PHF6: variants seen among roughly 807,000 people sequenced by gnomAD.
The protein encoded by PHF6 is PHD finger protein 6.
In PHF6, 7 loss-of-function variants were observed where a neutral mutation model predicts 34.0. The observed-to-expected ratio is 0.21, with a 90% CI of 0.12 to 0.39. The LOEUF is 0.39. Ranked by LOEUF, PHF6 falls within the 10% of genes least tolerant of loss-of-function variation. The pLI, the probability that PHF6 is intolerant of heterozygous loss-of-function variation, is 1.00. For missense variants in PHF6, 128 were observed against 262.8 expected (o/e 0.49, Z 3.55); for synonymous variants, 89 against 88.4 (o/e 1.01, Z -0.04).
intron 3 of PHF6, among the ~76,000 whole-genome samples, chrX:134,385,282 C>G (rs2077327073): frequency 9.0e-6 from 1 of 111,174 alleles, no homozygotes; most frequent in Non-Finnish European, 1.9e-5. Flanking sequence ...CTCAAAAGTT[C>G]TGTCTGTTTT....
intron 5 of PHF6, among the ~76,000 whole-genome samples, chrX:134,411,163 G>A (rs2077449284): frequency 9.1e-6 from 1 of 110,384 alleles, no homozygotes; most frequent in South Asian, 3.8e-4. Flanking sequence ...TGTTAGTCAG[G>A]TTGGTCTCGA....
At chrX:134,391,084 C>T (rs1290349514) in intron 3 of PHF6, among the ~76,000 whole-genome samples, 4 of 106,523 alleles carry the variant, frequency 3.8e-5, no homozygotes, top group Non-Finnish European at 7.7e-5. Flanking sequence ...AAGTGATTCT[C>T]CTGCCTCAGC....
intron 5 of PHF6, 130 bp downstream of exon 5, chrX:134,394,082 G>C (rs2077366202): frequency 1.3e-5 from 8 of 627,801 alleles, no homozygotes; most frequent in Non-Finnish European, 5.1e-6. Flanking sequence ...TAGAAGAATT[G>C]AGAAAAGTGT....
At chrX:134,425,384 T>C (rs1315577082) in intron 10 of PHF6, 54 bp downstream of exon 10, 8 of 1,167,409 alleles carry the variant, frequency 6.9e-6, no homozygotes, top group African/African-American at 5.3e-5. Flanking sequence ...CACACTGATA[T>C]ATACATGTTG....
chrX:134,426,707 A>G lies in PHF6; in HGVS notation c.*1047A>G, dbSNP rs2077508855. The G allele has an allele frequency of 6.3e-6, 1 of 159,790 alleles. No homozygotes were observed. Among genetic ancestry groups the G allele is most frequent in the African/African-American group, 3.0e-5 (1 of 32,821 alleles). The allele number at this position is 159,790 out of a possible 1,213,427, so 13.2% of individuals were successfully genotyped here. A position where few individuals can be genotyped will look rare whatever the true frequency, so the allele number is the denominator to read the frequency against. Reference sequence around the variant, plus strand: ...TTCTTGTAGGGCTTGGTGGTGTTTTATCGATTGTCAGAATTGTTTTTGAAA... The same window carrying G: ...TTCTTGTAGGGCTTGGTGGTGTTTTGTCGATTGTCAGAATTGTTTTTGAAA... On this transcript the variant is annotated 3_prime_UTR_variant, in exon 11 of 11. Transcript: ENST00000370803.
chrX:134,414,767 T>G (rs967386953), intron 7 of PHF6, among the ~76,000 whole-genome samples: 2 of 112,092 alleles, frequency 1.8e-5, no homozygotes, highest in African/African-American at 6.5e-5. Context: ...TTGTTGAAAT[T>G]TTCATTGCTT....
chrX:134,380,015 C>G (rs2077299534), intron 3 of PHF6, among the ~76,000 whole-genome samples: 2 of 111,742 alleles, frequency 1.8e-5, no homozygotes, highest in South Asian at 7.4e-4. Flanking sequence ...CTTGTATAGT[C>G]AGAACAAAAG....
chrX:134,416,353 A>T (rs374746216), intron 8 of PHF6, among the ~76,000 whole-genome samples: 1 of 111,941 alleles, frequency 8.9e-6, no homozygotes, highest in East Asian at 2.8e-4. Flanking sequence ...GCTAAAGTCC[A>T]AACAGGTGAC....
chrX:134,401,658 A>G (rs200669767), intron 5 of PHF6, among the ~76,000 whole-genome samples: 13 of 111,585 alleles, frequency 1.2e-4, no homozygotes, highest in African/African-American at 4.2e-4. Context: ...TAAGTCTGAA[A>G]TTACTTAAAA....
At chrX:134,382,037 G>A (rs907804223) in intron 3 of PHF6, among the ~76,000 whole-genome samples, 2 of 111,621 alleles carry the variant, frequency 1.8e-5, no homozygotes, top group Admixed American at 9.5e-5. Context: ...TAAAGTGTAC[G>A]TATCAACAGC....
Position 134,377,840 on chromosome X carries a change from A to G in PHF6, c.138+85A>G. On this transcript the variant is annotated intron_variant, in intron 2 of 10. Transcript: ENST00000370803. ...TGAATGTTCCTGAATACTAAAAAAA[A>G]AAACAAAAACCAAAAAAAACTCAGT... 3 of 1,082,153 alleles carry G rather than the reference A, an allele frequency of 2.8e-6. No homozygotes were observed. The South Asian group carries it at 6.0e-5, about 22-fold the overall frequency. 89.2% of individuals were successfully genotyped at this position (1,082,153 alleles called of 1,213,427 possible).
At chrX:134,405,382 A>G (rs900266695) in intron 5 of PHF6, among the ~76,000 whole-genome samples, 2 of 111,285 alleles carry the variant, frequency 1.8e-5, no homozygotes, top group Non-Finnish European at 3.8e-5. Context: ...TATTTTTAGT[A>G]GAGACAGGGT....
At chrX:134,403,164 G>T (rs772908594) in intron 5 of PHF6, among the ~76,000 whole-genome samples, 3 of 112,427 alleles carry the variant, frequency 2.7e-5, no homozygotes, top group Non-Finnish European at 5.6e-5. Flanking sequence ...CATGTCGAAA[G>T]CTGAGACAGG....
At chrX:134,418,471 A>G (rs10521778) in intron 9 of PHF6, 13,540 of 110,908 alleles carry the variant, frequency 0.12, 718 homozygotes, top group East Asian at 0.21. Context: ...TTTGCCATCC[A>G]GAGTTGTAAA....
chrX:134,410,408 A>T (rs1452222252), intron 5 of PHF6, among the ~76,000 whole-genome samples: 1 of 111,237 alleles, frequency 9.0e-6, no homozygotes, highest in Non-Finnish European at 1.9e-5. Flanking sequence ...TGCTGTTTTG[A>T]TAGGTGAAAA....
chrX:134,412,415 A>G (rs1188452012), intron 5 of PHF6, among the ~76,000 whole-genome samples: 1 of 111,835 alleles, frequency 8.9e-6, no homozygotes, highest in Admixed American at 9.6e-5. Context: ...TTTCATTTCT[A>G]ATAAACAACC....
At position 134,415,088 on chromosome X, in the gene PHF6, G is replaced by A. The variant is rs2077467347; in HGVS notation, c.802G>A (p.Val268Ile). ...ATTTGGAGACTTTGATATTAAAACT[G>A]TACTTCAGGAGATTAAACGAGGAAA... The part of the protein sequence containing the change: ...AEFGDFDIKT[V>I]LQEIKRGKRM... Residue 268 changes from valine to isoleucine, a missense_variant, in exon 8 of 11, where the codon GTA becomes ATA. Around this residue, in one of 3 missense-constraint regions of PHF6, gnomAD observed 16 missense variants for 93.7 expected, o/e 0.17. Transcript: ENST00000370803. 1 of 1,209,437 alleles carries A rather than the reference G, an allele frequency of 8.3e-7. No individual in the cohort carries two copies. Among genetic ancestry groups the A allele is most frequent in the Non-Finnish European group, 1.1e-6 (1 of 893,688 alleles).
At chrX:134,423,355 C>T (rs764100858) in intron 9 of PHF6, among the ~76,000 whole-genome samples, 1 of 111,831 alleles carries the variant, frequency 8.9e-6, no homozygotes, top group Non-Finnish European at 1.9e-5. Flanking sequence ...GTCCCACATT[C>T]TAGATTTGTC....
intron 3 of PHF6, among the ~76,000 whole-genome samples, chrX:134,390,746 T>C (rs1018895174): frequency 9.0e-6 from 1 of 111,315 alleles, no homozygotes; most frequent in African/African-American, 3.3e-5. Context: ...CCACTTAGCA[T>C]TTTGCTGTTT....
Sources: gnomAD v4.1 joint callset for allele counts (sites outside exome capture counted in the v4.1 genomes callset) on GRCh38, gnomAD v4.1.1 for gene constraint, gnomAD v4.1.1 regional missense constraint, MANE v1.5 for transcripts, NCBI Gene and HGNC (gene_info 2026-07-23, HGNC 2026-07-21) for gene names.